IDE: variants seen among roughly 807,000 people sequenced by gnomAD.
IDE encodes the protein insulin-degrading enzyme.
In IDE, 58 loss-of-function variants were observed where a neutral mutation model predicts 133.2. The observed-to-expected ratio is 0.44, with a 90% CI of 0.35 to 0.54. The LOEUF is 0.54. Ranked by LOEUF, IDE falls within the 20% of genes least tolerant of loss-of-function variation. IDE has a pLI of 0.00. For synonymous variants in IDE, 396 were observed against 421.3 expected, an observed-to-expected ratio of 0.94 and a Z score of 0.73; for missense variants, 981 against 1,234.0, an observed-to-expected ratio of 0.79 and a Z score of 3.07.
intron 1 of IDE, among the ~76,000 whole-genome samples, chr10:92,560,292 C>A (rs1206813379): frequency 6.6e-6 from 1 of 152,162 alleles, no homozygotes; most frequent in African/African-American, 2.4e-5. Context: ...GGTGTCTTCC[C>A]AGTGTCAACG....
intron 1 of IDE, among the ~76,000 whole-genome samples, chr10:92,551,122 G>A (rs1564672701): frequency 6.6e-6 from 1 of 152,210 alleles, no homozygotes; most frequent in Non-Finnish European, 1.5e-5. Flanking sequence ...CATAGCAGCA[G>A]TACTGGCAAC....
At chr10:92,530,879 T>C (rs1793131226) in intron 4 of IDE, among the ~76,000 whole-genome samples, 1 of 152,214 alleles carries the variant, frequency 6.6e-6, no homozygotes, top group Non-Finnish European at 1.5e-5. Context: ...GAAAGTTGTC[T>C]TTATGGTTTT....
chr10:92,530,082 C>A (rs971068467), intron 4 of IDE, among the ~76,000 whole-genome samples: 12 of 152,056 alleles, frequency 7.9e-5, no homozygotes, highest in Non-Finnish European at 1.6e-4. Flanking sequence ...ACAAATTAGC[C>A]GGGCATGGTG....
chr10:92,500,093 T>C (rs1847923746), intron 11 of IDE, among the ~76,000 whole-genome samples: 1 of 151,994 alleles, frequency 6.6e-6, no homozygotes, highest in South Asian at 2.1e-4. Context: ...AGGTCATGAG[T>C]TCGAGACCAG....
At chr10:92,464,575 C>A (rs912179538) in intron 20 of IDE, among the ~76,000 whole-genome samples, 2 of 152,220 alleles carry the variant, frequency 1.3e-5, no homozygotes, top group Non-Finnish European at 2.9e-5. Context: ...CTTGGCTTAT[C>A]TCCTTCAGCT....
At chr10:92,537,032 T>C (rs1842045946) in intron 2 of IDE, among the ~76,000 whole-genome samples, 1 of 145,220 alleles carries the variant, frequency 6.9e-6, no homozygotes, top group Non-Finnish European at 1.5e-5. Flanking sequence ...GTAAACTCTG[T>C]CTCAAAAAAA....
At chr10:92,541,492 A>C (rs1045847553) in intron 1 of IDE, 31 of 236,224 alleles carry the variant, frequency 1.3e-4, no homozygotes, top group African/African-American at 6.7e-4. Flanking sequence ...GACAATTTAG[A>C]TGACGAGCTA....
chr10:92,546,520 T>C (rs974295823), intron 1 of IDE, among the ~76,000 whole-genome samples: 17 of 152,136 alleles, frequency 1.1e-4, no homozygotes, highest in Admixed American at 2.0e-4. Context: ...CAGCTACCCA[T>C]ACCAAAGAGG....
intron 1 of IDE, among the ~76,000 whole-genome samples, chr10:92,551,582 A>G (rs959248276): frequency 3.5e-4 from 53 of 151,778 alleles, no homozygotes; most frequent in African/African-American, 5.1e-4. Flanking sequence ...AAAAAAAAAA[A>G]AAAGAAAAGA....
rs138735466 is a variant in IDE, at chr10:92,544,814, C to A, written c.99-7264G>T. 4.3e-3 allele frequency among the ~76,000 whole-genome samples: 658 copies of A among 152,162 alleles called. 13 individuals are homozygous for A. The highest frequency in any genetic ancestry group is 5.2e-3 in the East Asian group (27 of 5,182). On this transcript the variant is annotated intron_variant, in intron 1 of 24. Transcript: ENST00000265986. ...CCAAAGGAATCCCTTAGCTAAGAAC[C>A]ATAATACATGGCAGGATTAAATGTA...
chr10:92,573,896 G>A (rs1366977715), intron 1 of IDE, 26 bp downstream of exon 1: 1 of 1,428,546 alleles, frequency 7.0e-7, no homozygotes, highest in Non-Finnish European at 9.2e-7. Context: ...CGGGGCCCGA[G>A]GGCCCGGGCG....
intron 4 of IDE, among the ~76,000 whole-genome samples, chr10:92,516,113 G>A (rs1289067824): frequency 1.3e-5 from 2 of 151,306 alleles, no homozygotes; most frequent in East Asian, 2.0e-4. Context: ...AAGTTGCGGT[G>A]AGCCGAAATC....
chr10:92,509,104 C>G (rs1564633858), intron 6 of IDE, among the ~76,000 whole-genome samples: 1 of 152,180 alleles, frequency 6.6e-6, no homozygotes, highest in Non-Finnish European at 1.5e-5. Context: ...GTTTGACCCC[C>G]TGAACCATGC....
intron 14 of IDE, 56 bp from the exon 15 acceptor site, chr10:92,479,477 T>C (rs1050676327): frequency 1.9e-5 from 26 of 1,392,416 alleles, no homozygotes; most frequent in Non-Finnish European, 2.5e-5. Flanking sequence ...CAATGTGATA[T>C]GGCCTTTTGA....
chr10:92,537,327 GAAACA>G (rs1228381599), intron 2 of IDE, 34 bp downstream of exon 2: 1 of 1,512,662 alleles, frequency 6.6e-7, no homozygotes, highest in Non-Finnish European at 9.0e-7. Context: ...TTAGGTCAAT[GAAACA>G]AAACAAAGCT....
intron 1 of IDE, among the ~76,000 whole-genome samples, chr10:92,538,716 C>T (rs990050642): frequency 5.3e-5 from 8 of 150,570 alleles, no homozygotes; most frequent in African/African-American, 9.8e-5. Context: ...GTCTGGGGTA[C>T]GCATGTTTTT....
rs373397892 is a variant in IDE, at chr10:92,563,760, A to G, written c.98+10162T>C. ...CTGAGCAAGACTCCGTCTCAAAAAA[A>G]AAAGAAAGAAAAAAAGAAAAGAAAA... On this transcript the variant is annotated intron_variant, in intron 1 of 24. Coordinates refer to ENST00000265986, the MANE Select transcript of IDE (RefSeq NM_004969.4). Among the ~76,000 whole-genome samples the G allele has an allele frequency of 2.0e-5, 3 of 152,150 alleles. No homozygotes were observed. The South Asian group carries it at 6.2e-4, about 32-fold the overall frequency.
chr10:92,471,026 C>T (rs1845937176), intron 17 of IDE, among the ~76,000 whole-genome samples: 1 of 152,138 alleles, frequency 6.6e-6, no homozygotes, highest in South Asian at 2.1e-4. Flanking sequence ...CCTATTTTTC[C>T]CTTTGTAATT....
intron 3 of IDE, among the ~76,000 whole-genome samples, chr10:92,533,326 C>T (rs907583098): frequency 2.6e-5 from 4 of 152,032 alleles, no homozygotes; most frequent in Admixed American, 1.3e-4. Flanking sequence ...TACATATTAG[C>T]GATGATTACA....
Sources: gnomAD v4.1 joint callset for allele counts (sites outside exome capture counted in the v4.1 genomes callset) on GRCh38, gnomAD v4.1.1 for gene constraint, MANE v1.5 for transcripts, NCBI Gene and HGNC (gene_info 2026-07-23, HGNC 2026-07-21) for gene names.